The following ARMH4 variants were observed in gnomAD, a reference collection of about 807,000 sequenced individuals.
ARMH4 encodes the protein armadillo like helical domain containing 4.
Under a neutral mutation model 61.9 loss-of-function variants are expected in ARMH4, and 49 were observed. That is an observed-to-expected ratio of 0.79 (90% confidence interval 0.63 to 1.00). The LOEUF is 1.00. Ranked by LOEUF, ARMH4 falls within the 50% of genes least tolerant of loss-of-function variation. The probability of loss-of-function intolerance (pLI) is 0.00; values close to 1 mark genes in which losing one functional copy is unlikely to be tolerated. For missense variants in ARMH4, 934 were observed against 930.0 expected, an observed-to-expected ratio of 1.00 and a Z score of -0.06; for synonymous variants, 368 against 341.5, an observed-to-expected ratio of 1.08 and a Z score of -0.85.
chr14:58,148,238 G>T (rs1028502054), intron 1 of ARMH4, among the ~76,000 whole-genome samples: 1 of 152,048 alleles, frequency 6.6e-6, no homozygotes, highest in African/African-American at 2.4e-5. Context: ...GTAGAAATGG[G>T]GTTTCACCAT....
intron 5 of ARMH4, among the ~76,000 whole-genome samples, chr14:58,062,150 C>G (rs989454803): frequency 1.3e-5 from 2 of 152,006 alleles, no homozygotes; most frequent in Non-Finnish European, 2.9e-5. Context: ...ACCAGCCTGG[C>G]AACATAGTGG....
intron 5 of ARMH4, among the ~76,000 whole-genome samples, chr14:58,072,935 A>G (rs540922364): frequency 6.6e-6 from 1 of 152,320 alleles, no homozygotes; most frequent in Non-Finnish European, 1.5e-5. Flanking sequence ...ACTTCTGTGT[A>G]TATTTCATTA....
rs1011433626 is a variant in ARMH4 at position 58,042,979 on chromosome 14, A to T, written c.2090-30829T>A. On this transcript the variant is annotated intron_variant, in intron 5 of 7. Transcript: ENST00000267485. ...AATAATTAATAGCTTACCAACCAAAAAAAGTCCAGGACCAGAAGGATTCAC... is the reference window on the plus strand; with the variant it reads ...AATAATTAATAGCTTACCAACCAAATAAAGTCCAGGACCAGAAGGATTCAC... 3.3e-5 allele frequency among the ~76,000 whole-genome samples: 5 copies of T among 152,200 alleles called. 1 individual carries two copies. The South Asian group carries it at 1.0e-3, about 31-fold the overall frequency.
At chr14:58,141,469 G>C (rs1231990620) in intron 1 of ARMH4, 1 of 540,566 alleles carries the variant, frequency 1.8e-6, no homozygotes, top group Non-Finnish European at 3.7e-6. Flanking sequence ...CATCCAGAAA[G>C]AGTCCACCCT....
At chr14:58,044,718 C>G (rs10151036) in intron 5 of ARMH4, among the ~76,000 whole-genome samples, 1 of 151,890 alleles carries the variant, frequency 6.6e-6, no homozygotes, top group South Asian at 2.1e-4. Flanking sequence ...TCTACTCATC[C>G]GATAAAGGGC....
chr14:58,125,314 C>T (rs989873025), intron 4 of ARMH4, among the ~76,000 whole-genome samples: 8 of 151,986 alleles, frequency 5.3e-5, no homozygotes, highest in Non-Finnish European at 1.0e-4. Context: ...GGCTAGCCAC[C>T]GAAGAAGGAA....
intron 1 of ARMH4, among the ~76,000 whole-genome samples, chr14:58,145,266 G>A (rs1260983326): frequency 6.6e-6 from 1 of 152,198 alleles, no homozygotes; most frequent in Non-Finnish European, 1.5e-5. Flanking sequence ...TACTGAGCAA[G>A]TGGCCTCAGT....
chr14:58,139,071 G>T lies in ARMH4; in HGVS notation c.288C>A (p.Thr96=), dbSNP rs767849929. The T allele has an allele frequency of 6.2e-7, 1 of 1,614,186 alleles. No individual in the cohort carries two copies. The highest frequency in any genetic ancestry group is 8.5e-7 in the Non-Finnish European group (1 of 1,180,026). Residue 96 remains threonine, a synonymous_variant, in exon 2 of 8, where the codon ACC becomes ACA. Transcript: ENST00000267485. ...GCATGAGCCCAGCTTGTCCAGGCTG[G>T]GTTTCTTTGTTAATCGAGAATGCTT... is the stretch of plus-strand genomic sequence containing the variant. The part of the protein sequence containing the change: ...LNKAFSINKE[T]QPGQAGLMQT...
chr14:58,016,873 T>C (rs972715978), intron 5 of ARMH4, among the ~76,000 whole-genome samples: 3 of 152,218 alleles, frequency 2.0e-5, no homozygotes, highest in African/African-American at 7.2e-5. Context: ...GCTAATATTA[T>C]ACTCAATGGT....
intron 5 of ARMH4, among the ~76,000 whole-genome samples, chr14:58,020,923 G>A (rs1882801516): frequency 6.6e-6 from 1 of 152,220 alleles, no homozygotes. Flanking sequence ...GTTCCAGCCT[G>A]AGTCCAAAGG....
chr14:58,122,880 T>C (rs1244576774), intron 4 of ARMH4, among the ~76,000 whole-genome samples: 3 of 152,074 alleles, frequency 2.0e-5, no homozygotes, highest in Non-Finnish European at 2.9e-5. Flanking sequence ...AACCAGATGA[T>C]CCAGCAGCAG....
rs371375281 is a variant in ARMH4 at position 58,004,694 on chromosome 14, A to T, written c.*42T>A. The T allele has an allele frequency of 5.3e-5, 77 of 1,460,820 alleles. No homozygotes were observed. The African/African-American group carries it at 9.4e-4, about 18-fold the overall frequency. 90.5% of individuals were successfully genotyped at this position (1,460,820 alleles called of 1,614,324 possible). A position where few individuals can be genotyped will look rare whatever the true frequency, so the allele number is the denominator to read the frequency against. On this transcript the variant is annotated 3_prime_UTR_variant, in exon 8 of 8. Coordinates refer to ENST00000267485, the MANE Select transcript of ARMH4 (RefSeq NM_001001872.4). Reference sequence around the variant, plus strand: ...TTTCTGCTCCAAAATAAAAATTAGAATAGTAGCATCGTTGAATATCCCAAT... The same window carrying T: ...TTTCTGCTCCAAAATAAAAATTAGATTAGTAGCATCGTTGAATATCCCAAT...
chr14:58,147,694 AGT>A (rs1284885402), intron 1 of ARMH4, among the ~76,000 whole-genome samples: 2 of 152,204 alleles, frequency 1.3e-5, no homozygotes, highest in Non-Finnish European at 2.9e-5. Flanking sequence ...AAGCGTTCTA[AGT>A]GCCCAGTGGA....
intron 5 of ARMH4, among the ~76,000 whole-genome samples, chr14:58,069,273 T>C (rs943335306): frequency 6.6e-6 from 1 of 152,226 alleles, no homozygotes; most frequent in Admixed American, 6.5e-5. Flanking sequence ...TTTATTTTAG[T>C]AATCAACAAT....
At chr14:58,144,071 G>A (rs1290488329) in intron 1 of ARMH4, among the ~76,000 whole-genome samples, 2 of 152,076 alleles carry the variant, frequency 1.3e-5, no homozygotes, top group African/African-American at 4.8e-5. Flanking sequence ...ACCACACCTG[G>A]CCACACTGTT....
intron 4 of ARMH4, among the ~76,000 whole-genome samples, chr14:58,116,832 A>G (rs1886545478): frequency 1.3e-5 from 2 of 152,170 alleles, no homozygotes; most frequent in African/African-American, 4.8e-5. Context: ...TGCCCACAAC[A>G]ACTCCTTTTC....
intron 4 of ARMH4, among the ~76,000 whole-genome samples, chr14:58,099,729 G>T (rs1485418485): frequency 6.6e-6 from 1 of 152,146 alleles, no homozygotes; most frequent in African/African-American, 2.4e-5. Flanking sequence ...TAATGGGTCA[G>T]ATCTCATCGA....
intron 5 of ARMH4, among the ~76,000 whole-genome samples, chr14:58,015,329 T>C (rs1186708307): frequency 6.6e-6 from 1 of 152,122 alleles, no homozygotes; most frequent in East Asian, 1.9e-4. Flanking sequence ...CCAGGCAAAA[T>C]ATTCTTGGCT....
intron 5 of ARMH4, among the ~76,000 whole-genome samples, chr14:58,026,103 C>T (rs1368272893): frequency 2.0e-5 from 3 of 151,878 alleles, no homozygotes; most frequent in Non-Finnish European, 4.4e-5. Context: ...TTTATTAGTG[C>T]TAATAATACT....
Sources: gnomAD v4.1 joint callset for allele counts (sites outside exome capture counted in the v4.1 genomes callset) on GRCh38, gnomAD v4.1.1 for gene constraint, MANE v1.5 for transcripts, NCBI Gene and HGNC (gene_info 2026-07-23, HGNC 2026-07-21) for gene names.